The following PALM2AKAP2 variants were observed in gnomAD, a reference collection of about 807,000 sequenced individuals.
PALM2AKAP2 encodes PALM2 and AKAP2 fusion.
PALM2AKAP2 carries 37 observed loss-of-function variants against 71.5 expected under a neutral mutation model. The ratio of observed to expected loss-of-function variants is 0.52; its 90% CI spans 0.40 to 0.68. The LOEUF (loss-of-function observed/expected upper bound fraction) is 0.68, where lower values mean the gene tolerates loss of function less well. Among genes scored for constraint, PALM2AKAP2 ranks in the 30% least tolerant of loss-of-function variants. The pLI, the probability that PALM2AKAP2 is intolerant of heterozygous loss-of-function variation, is 0.00. For missense variants in PALM2AKAP2, 1,224 were observed against 1,191.8 expected (o/e 1.03, Z -0.40); for synonymous variants, 468 against 478.8 (o/e 0.98, Z 0.29).
chr9:109,862,745 C>A (rs542441420), intron 1 of PALM2AKAP2, among the ~76,000 whole-genome samples: 8 of 152,326 alleles, frequency 5.3e-5, no homozygotes, highest in African/African-American at 1.7e-4. Context: ...CTAGGCAGAT[C>A]AAAATTGACA....
chr9:109,838,928 G>A (rs868349459), intron 1 of PALM2AKAP2, among the ~76,000 whole-genome samples: 4 of 152,210 alleles, frequency 2.6e-5, no homozygotes, highest in South Asian at 4.2e-4. Context: ...AGGACCAGAC[G>A]GATTCACAGC....
chr9:109,691,025 G>A (rs778346468), intron 1 of PALM2AKAP2, among the ~76,000 whole-genome samples: 2 of 152,134 alleles, frequency 1.3e-5, no homozygotes, highest in African/African-American at 4.8e-5. Context: ...GAAACAGAAG[G>A]GGGGAAGTTG....
chr9:109,725,727 G>T (rs1828465237), intron 1 of PALM2AKAP2, among the ~76,000 whole-genome samples: 1 of 152,084 alleles, frequency 6.6e-6, no homozygotes, highest in African/African-American at 2.4e-5. Flanking sequence ...ACATAAAAAA[G>T]CAAGAATATG....
intron 1 of PALM2AKAP2, among the ~76,000 whole-genome samples, chr9:109,748,125 T>C (rs188078958): frequency 3.2e-4 from 48 of 152,376 alleles, no homozygotes; most frequent in African/African-American, 1.1e-3. Flanking sequence ...TATTCTAGGA[T>C]ACTTAGTTGA....
intron 1 of PALM2AKAP2, among the ~76,000 whole-genome samples, chr9:109,709,086 T>C: frequency 6.6e-6 from 1 of 152,164 alleles, no homozygotes; most frequent in Non-Finnish European, 1.5e-5. Flanking sequence ...GACTCCTACC[T>C]TGCACTACTC....
At chr9:110,166,786 A>T (rs959542228) in intron 3 of PALM2AKAP2, among the ~76,000 whole-genome samples, 5 of 151,576 alleles carry the variant, frequency 3.3e-5, no homozygotes, top group Admixed American at 2.0e-4. Context: ...GTTGAGATGG[A>T]CCCCCGATCT....
At chr9:110,040,019 CAAAG>C (rs1833484114) in intron 7 of PALM2AKAP2, among the ~76,000 whole-genome samples, 1 of 150,684 alleles carries the variant, frequency 6.6e-6, no homozygotes, top group African/African-American at 2.4e-5. Context: ...CAGGAGAATA[CAAAG>C]AAAGGAAGTA....
At chr9:109,726,362 A>G (rs1324972828) in intron 1 of PALM2AKAP2, among the ~76,000 whole-genome samples, 1 of 152,198 alleles carries the variant, frequency 6.6e-6, no homozygotes, top group African/African-American at 2.4e-5. Flanking sequence ...GGTGGAGGCA[A>G]CCAGTGCCCA....
intron 1 of PALM2AKAP2, among the ~76,000 whole-genome samples, chr9:109,742,115 A>G (rs555512335): frequency 2.9e-4 from 44 of 152,306 alleles, no homozygotes; most frequent in Admixed American, 2.4e-3. Context: ...ACCATAATCA[A>G]TGAAAGAATG....
At chr9:109,982,513 G>T (rs1370970866) in intron 6 of PALM2AKAP2, among the ~76,000 whole-genome samples, 1 of 152,124 alleles carries the variant, frequency 6.6e-6, no homozygotes, top group African/African-American at 2.4e-5. Flanking sequence ...TGAGGTGATG[G>T]ATACCCCATC....
At chr9:109,943,988 C>T (rs1213036861) in intron 6 of PALM2AKAP2, 2 of 153,448 alleles carry the variant, frequency 1.3e-5, no homozygotes, top group South Asian at 2.1e-4. Context: ...TTCCAGATTA[C>T]AGTATTGTGC....
chr9:109,720,138 G>A (rs1828384220), intron 1 of PALM2AKAP2, among the ~76,000 whole-genome samples: 1 of 152,008 alleles, frequency 6.6e-6, no homozygotes, highest in Non-Finnish European at 1.5e-5. Context: ...ACGGGCACAT[G>A]CTACTGCGCC....
At chr9:109,762,157 AT>A (rs58791123) in intron 1 of PALM2AKAP2, among the ~76,000 whole-genome samples, 25,212 of 148,336 alleles carry the variant, frequency 0.17, 2,397 homozygotes, top group Middle Eastern at 0.32. Flanking sequence ...GAAGGACAGA[AT>A]TTTTTTTTTT....
At chr9:109,790,036 A>G (rs1827072124) in intron 1 of PALM2AKAP2, among the ~76,000 whole-genome samples, 1 of 152,188 alleles carries the variant, frequency 6.6e-6, no homozygotes, top group Admixed American at 6.5e-5. Context: ...AAGTTTAGCT[A>G]GAAGAAAAGA....
At chr9:109,646,005 AAG>A (rs1475662214) in intron 1 of PALM2AKAP2, among the ~76,000 whole-genome samples, 2 of 152,186 alleles carry the variant, frequency 1.3e-5, no homozygotes, top group Admixed American at 6.5e-5. Flanking sequence ...CAAGCAGAAA[AAG>A]AAATAAAAGA....
chr9:109,971,519 G>A (rs1157078857), intron 6 of PALM2AKAP2, among the ~76,000 whole-genome samples: 2 of 151,742 alleles, frequency 1.3e-5, no homozygotes, highest in Non-Finnish European at 2.9e-5. Flanking sequence ...TCCCACTCCC[G>A]GCTTCAAGCG....
rs1424399826 is a variant in PALM2AKAP2 at position 110,048,766 on chromosome 9, C to T, written c.67C>T (p.Pro23Ser). ...GGAGTCTCCTGGACCCCCGGAGTCT[C>T]CTGGACCCCCGGAGCGGGAGGCAGC... The change falls in exon 1 of 4, where the codon CCT becomes TCT. Residue 23 changes from proline to serine, a missense_variant. Physicochemically the swap from Pro to Ser is moderately conservative, Grantham distance 74. Transcript: ENST00000374525. The T allele has an allele frequency of 7.6e-6, 11 of 1,451,446 alleles. No homozygotes were observed. The South Asian group carries it at 1.1e-4, about 15-fold the overall frequency. The allele number at this position is 1,451,446 out of a possible 1,614,324, so 89.9% of individuals were successfully genotyped here.
intron 1 of PALM2AKAP2, among the ~76,000 whole-genome samples, chr9:110,094,982 C>T (rs1265423421): frequency 6.6e-6 from 1 of 152,188 alleles, no homozygotes; most frequent in Admixed American, 6.5e-5. Context: ...ATTTGGCTGC[C>T]TCTGGCAAAA....
intron 3 of PALM2AKAP2, among the ~76,000 whole-genome samples, chr9:109,902,706 A>G (rs1379780118): frequency 6.6e-6 from 1 of 152,248 alleles, no homozygotes; most frequent in Non-Finnish European, 1.5e-5. Flanking sequence ...TCATGGCCAC[A>G]TGACAGAGTC....
Sources: allele counts gnomAD v4.1 joint callset (sites outside exome capture counted in the v4.1 genomes callset), GRCh38; gene constraint gnomAD v4.1.1; transcripts MANE v1.5; gene names NCBI Gene and HGNC (gene_info 2026-07-23, HGNC 2026-07-21).